Variants in PIP4K2C observed in about 807,000 individuals in gnomAD.
The protein encoded by PIP4K2C is phosphatidylinositol 5-phosphate 4-kinase type-2 gamma.
A neutral mutation model predicts 45.0 loss-of-function variants in PIP4K2C; 21 were observed. The observed-to-expected ratio is 0.47, with a 90% CI of 0.33 to 0.67. The LOEUF is 0.67. Ranked by LOEUF, PIP4K2C falls within the 30% of genes least tolerant of loss-of-function variation. The probability of loss-of-function intolerance (pLI) is 0.02; values close to 1 mark genes in which losing one functional copy is unlikely to be tolerated. For synonymous variants in PIP4K2C, 201 were observed against 204.8 expected, an observed-to-expected ratio of 0.98 and a Z score of 0.16; for missense variants, 456 against 542.8, an observed-to-expected ratio of 0.84 and a Z score of 1.59.
chr12:57,591,218 C>T lies in PIP4K2C; in HGVS notation c.-72C>T. On this transcript the variant is annotated 5_prime_UTR_variant, in exon 1 of 10. Transcript: ENST00000354947. ...GTCACGTGACAGCAGCGCAGGTGAG[C>T]GCCGCTTCCGGGGTCGGGCGCCTGG... The T allele has an allele frequency of 4.0e-6, 6 of 1,482,734 alleles. No homozygotes were observed. Among genetic ancestry groups the T allele is most frequent in the Admixed American group, 1.9e-5 (1 of 52,246 alleles). The allele number at this position is 1,482,734 out of a possible 1,614,324, so 91.8% of individuals were successfully genotyped here.
intron 3 of PIP4K2C, among the ~76,000 whole-genome samples, 173 bp downstream of exon 3, chr12:57,595,395 GA>G (rs1162301880): frequency 2.0e-5 from 3 of 152,168 alleles, no homozygotes; most frequent in African/African-American, 7.2e-5. Flanking sequence ...GTCCTTGGGG[GA>G]AAAGATGTAG....
At chr12:57,591,569 C>T (rs1882959636) in intron 1 of PIP4K2C, 106 bp downstream of exon 1, 2 of 1,327,598 alleles carry the variant, frequency 1.5e-6, no homozygotes, top group Middle Eastern at 2.6e-4. Flanking sequence ...TGCCACTCCC[C>T]TCCCCCGGGT....
At chr12:57,599,984 C>T (rs972848770) in intron 6 of PIP4K2C, among the ~76,000 whole-genome samples, 1 of 149,236 alleles carries the variant, frequency 6.7e-6, no homozygotes, top group African/African-American at 2.5e-5. Flanking sequence ...GTCGCGGCTA[C>T]AGTGAGCTGA....
rs1017739664 is a variant in PIP4K2C at position 57,599,091 on chromosome 12, G to A, written c.540G>A (p.Thr180=). The A allele has an allele frequency of 3.7e-6, 6 of 1,614,170 alleles. No individual in the cohort carries two copies. The highest frequency in any genetic ancestry group is 4.5e-5 in the East Asian group (2 of 44,892). ...ACATTGTGAAGTGCCATGGCAACAC[G>A]CTTCTGCCCCAGTTCCTGGGGATGT... ...HQYIVKCHGN[T]LLPQFLGMYR... Residue 180 remains threonine, a synonymous_variant, in exon 5 of 10, where the codon ACG becomes ACA. Transcript: ENST00000354947.
intron 1 of PIP4K2C, among the ~76,000 whole-genome samples, chr12:57,593,786 T>A (rs973322296): frequency 2.8e-5 from 4 of 143,836 alleles, no homozygotes; most frequent in Non-Finnish European, 6.0e-5. Context: ...GTTGTGAGCA[T>A]GAAGTTCCAT....
rs1047468089 is a variant in PIP4K2C, at chr12:57,602,409, T to C, written c.*803T>C. On this transcript the variant is annotated 3_prime_UTR_variant, in exon 10 of 10. Coordinates refer to ENST00000354947, the MANE Select transcript of PIP4K2C (RefSeq NM_024779.5). ...ACTATTGCTGCTCTTCACCAGAACCTCACACCTCTCCTGGGACTGGAACCC... is the reference window on the plus strand; with the variant it reads ...ACTATTGCTGCTCTTCACCAGAACCCCACACCTCTCCTGGGACTGGAACCC... 1 of 152,220 alleles carries C rather than the reference T, an allele frequency of 6.6e-6. No individual in the cohort carries two copies. The highest frequency in any genetic ancestry group is 1.5e-5 in the Non-Finnish European group (1 of 68,084). 9.4% of individuals were successfully genotyped at this position (152,220 alleles called of 1,614,324 possible).
chr12:57,599,901 G>A (rs966779443), intron 6 of PIP4K2C, among the ~76,000 whole-genome samples: 2 of 152,074 alleles, frequency 1.3e-5, no homozygotes, highest in African/African-American at 4.8e-5. Context: ...AAAATTAGCC[G>A]GGCGTGGTGG....
chr12:57,594,883 T>C (rs1039918184), intron 2 of PIP4K2C, among the ~76,000 whole-genome samples: 2 of 152,022 alleles, frequency 1.3e-5, no homozygotes, highest in African/African-American at 4.8e-5. Context: ...GGCAGGAGAA[T>C]TGCTTGAACC....
intron 6 of PIP4K2C, among the ~76,000 whole-genome samples, 160 bp from the exon 7 acceptor site, chr12:57,600,164 T>A (rs1883366998): frequency 6.6e-6 from 1 of 151,562 alleles, no homozygotes; most frequent in Non-Finnish European, 1.5e-5. Context: ...AGTGACTGAG[T>A]CTGTGGAAGT....
chr12:57,601,124 G>A (rs751825222), intron 8 of PIP4K2C, 46 bp downstream of exon 8: 2 of 1,605,852 alleles, frequency 1.2e-6, no homozygotes, highest in Admixed American at 3.3e-5. Flanking sequence ...GATTTTTCCT[G>A]GAGGACAGAG....
At chr12:57,601,160 T>C (rs1219972513) in intron 8 of PIP4K2C, 82 bp downstream of exon 8, 1 of 1,593,180 alleles carries the variant, frequency 6.3e-7, no homozygotes, top group Non-Finnish European at 8.6e-7. Context: ...GAGAGCCTGA[T>C]TAGCTTTTCA....
At chr12:57,597,631 T>C (rs1234641607) in intron 4 of PIP4K2C, among the ~76,000 whole-genome samples, 1 of 152,148 alleles carries the variant, frequency 6.6e-6, no homozygotes, top group Non-Finnish European at 1.5e-5. Context: ...GGAGGTTGTG[T>C]GCAGTGAAAT....
chr12:57,591,267 C>T lies in PIP4K2C; in HGVS notation c.-23C>T, dbSNP rs559567144. On this transcript the variant is annotated 5_prime_UTR_variant, in exon 1 of 10. Transcript: ENST00000354947. ...GGATAGCTGCCGGCTCCGGCTTCCA[C>T]TTGGTCGGTTGCGCGGGAGACTATG... 1.9e-6 allele frequency: 3 copies of T among 1,589,044 alleles called. No individual in the cohort carries two copies. The highest frequency in any genetic ancestry group is 2.3e-5 in the East Asian group (1 of 44,086).
chr12:57,599,039 C>T, intron 4 of PIP4K2C, 26 bp from the exon 5 acceptor site: 1 of 1,610,542 alleles, frequency 6.2e-7, no homozygotes, highest in Non-Finnish European at 8.5e-7. Context: ...AGCCTCTCCC[C>T]ATTCCTTCCC....
chr12:57,595,155 A>G lies in PIP4K2C; in HGVS notation c.302A>G (p.Lys101Arg). Residue 101 changes from lysine (K) to arginine (R), a missense_variant, in exon 3 of 10, where the codon AAG (lysine) becomes AGG (arginine). Physicochemically the swap from Lys to Arg is conservative, Grantham distance 26 (BLOSUM62 2). Around this residue, in one of 2 missense-constraint regions of PIP4K2C, gnomAD observed 421 missense variants for 473.1 expected, o/e 0.89. Coordinates refer to ENST00000354947, the MANE Select transcript of PIP4K2C (RefSeq NM_024779.5). Reference sequence around the variant, plus strand: ...AATCTGCCCAGTCATTTCAAGTTCAAGGAGTATTGTCCCCAGGTCTTCAGG... The same window carrying G: ...AATCTGCCCAGTCATTTCAAGTTCAGGGAGTATTGTCCCCAGGTCTTCAGG... ...RENLPSHFKFKEYCPQVFRNL... is the reference protein window; with the variant it reads ...RENLPSHFKFREYCPQVFRNL... 1 of 1,611,402 alleles carries G rather than the reference A, an allele frequency of 6.2e-7. No homozygotes were observed. The highest frequency in any genetic ancestry group is 8.5e-7 in the Non-Finnish European group (1 of 1,177,576).
chr12:57,592,562 G>T (rs1044178175), intron 1 of PIP4K2C, among the ~76,000 whole-genome samples: 1 of 152,150 alleles, frequency 6.6e-6, no homozygotes, highest in Admixed American at 6.5e-5. Context: ...TGAGTATTCA[G>T]TGGAAGGCAC....
intron 4 of PIP4K2C, among the ~76,000 whole-genome samples, chr12:57,596,513 A>AC (rs1257698245): frequency 1.3e-5 from 2 of 151,644 alleles, no homozygotes; most frequent in African/African-American, 4.8e-5. Context: ...TAAAAAAAAA[A>AC]AGATTTACTT....
rs1372345547 is a variant in PIP4K2C, at chr12:57,603,410, C to G, written c.*1804C>G. ...ATAATAATACAGGGAATAAATTATT[C>G]AATCCAAATTTCTGTACAGAAATGC... On this transcript the variant is annotated 3_prime_UTR_variant, in exon 10 of 10. Transcript: ENST00000354947. The G allele has an allele frequency of 6.8e-6, 1 of 146,732 alleles. No homozygotes were observed. Among genetic ancestry groups the G allele is most frequent in the East Asian group, 2.0e-4 (1 of 5,104 alleles). 9.1% of individuals were successfully genotyped at this position (146,732 alleles called of 1,614,324 possible).
intron 7 of PIP4K2C, 102 bp from the exon 8 acceptor site, chr12:57,600,709 C>G (rs1883390563): frequency 6.9e-7 from 1 of 1,455,888 alleles, no homozygotes; most frequent in South Asian, 1.3e-5. Context: ...TTTATACTTC[C>G]TTTCCCCAGA....
Sources: gnomAD v4.1 joint callset for allele counts (sites outside exome capture counted in the v4.1 genomes callset) on GRCh38, gnomAD v4.1.1 for gene constraint, gnomAD v4.1.1 regional missense constraint, MANE v1.5 for transcripts, NCBI Gene and HGNC (gene_info 2026-07-23, HGNC 2026-07-21) for gene names.